The following FLNB variants were observed in gnomAD, a reference collection of about 807,000 sequenced individuals.
FLNB encodes filamin-B.
Under a neutral mutation model 250.6 loss-of-function variants are expected in FLNB, and 111 were observed. The observed-to-expected ratio is 0.44, with a 90% CI of 0.38 to 0.52. The LOEUF is 0.52. FLNB is among the 20% of genes least tolerant of loss of function. The probability of loss-of-function intolerance (pLI) is 0.00; values close to 1 mark genes in which losing one functional copy is unlikely to be tolerated. For synonymous variants in FLNB, 1,302 were observed against 1,372.1 expected, an observed-to-expected ratio of 0.95 and a Z score of 1.13; for missense variants, 2,869 against 3,447.8, an observed-to-expected ratio of 0.83 and a Z score of 4.20.
At chr3:58,134,251 G>A (rs1016811162) in intron 26 of FLNB, among the ~76,000 whole-genome samples, 1 of 152,200 alleles carries the variant, frequency 6.6e-6, no homozygotes, top group African/African-American at 2.4e-5. Context: ...CACATGAGAA[G>A]GATCTAGATT....
chr3:58,165,743 T>G (rs1315917474), intron 43 of FLNB: 1 of 152,130 alleles, frequency 6.6e-6, no homozygotes, highest in African/African-American at 2.4e-5. Flanking sequence ...CTGAGCAATT[T>G]TCCTAATGAA....
chr3:58,167,604 A>G (rs939475170), intron 43 of FLNB, among the ~76,000 whole-genome samples: 12 of 152,206 alleles, frequency 7.9e-5, no homozygotes, highest in African/African-American at 2.9e-4. Flanking sequence ...GGGCCAGCTA[A>G]GTTGTCTCAG....
chr3:58,090,351 A>G (rs922119038), intron 4 of FLNB, among the ~76,000 whole-genome samples: 2 of 152,216 alleles, frequency 1.3e-5, no homozygotes, highest in South Asian at 2.1e-4. Context: ...AGGCTGCTTT[A>G]CAGTTAACTT....
chr3:58,028,665 G>A (rs186755424), intron 1 of FLNB, among the ~76,000 whole-genome samples: 1 of 149,208 alleles, frequency 6.7e-6, no homozygotes, highest in Non-Finnish European at 1.5e-5. Flanking sequence ...CCAGGCTAGA[G>A]TGCAATGGCA....
chr3:58,142,583 C>A lies in FLNB; in HGVS notation c.5182-67C>A. ...CTTGTAGAATTCCCAGCAGCTCTAA[C>A]CCCTGTAGCTTCACCAGCTCCCGCT... On this transcript the variant is annotated intron_variant, in intron 30 of 45. Coordinates refer to ENST00000295956, the MANE Select transcript of FLNB (RefSeq NM_001457.4). This position sits in a 1 kb window ranked among gnomAD's most constrained non-coding sequence, Gnocchi z 4.3. 7.4e-7 allele frequency: 1 copy of A among 1,355,030 alleles called. No homozygotes were observed. The highest frequency in any genetic ancestry group is 1.4e-5 in the African/African-American group (1 of 69,882). The allele number at this position is 1,355,030 out of a possible 1,614,324, so 83.9% of individuals were successfully genotyped here.
chr3:58,118,122 G>A (rs1381226891), intron 18 of FLNB, among the ~76,000 whole-genome samples: 2 of 152,236 alleles, frequency 1.3e-5, no homozygotes, highest in African/African-American at 4.8e-5. Flanking sequence ...ACCGGCGAGA[G>A]GAGAGAAATG....
Position 58,097,853 on chromosome 3 carries a change from C to T in FLNB, c.1023C>T (p.Ser341=). Residue 341 remains serine (S), a synonymous_variant, in exon 7 of 46, where the codon AGC becomes AGT. Coordinates refer to ENST00000295956, the MANE Select transcript of FLNB (RefSeq NM_001457.4). ...TTGCAGGACAGCACATCTCCAAGAG[C>T]CCATTTGAAGTGAGTGTTGACAAGG... ...VLFAGQHISK[S]PFEVSVDKAQ... The T allele has an allele frequency of 6.2e-7, 1 of 1,614,070 alleles. No individual in the cohort carries two copies.
chr3:58,131,877 T>C (rs779991023), intron 25 of FLNB: 28 of 1,228,238 alleles, frequency 2.3e-5, no homozygotes, highest in Non-Finnish European at 2.9e-5. Flanking sequence ...TTTACTTGGA[T>C]ATCTGCCTCT....
intron 1 of FLNB, among the ~76,000 whole-genome samples, chr3:58,046,805 C>T (rs2097155023): frequency 6.6e-6 from 1 of 152,156 alleles, no homozygotes; most frequent in African/African-American, 2.4e-5. Context: ...TTTCCCTTCC[C>T]CAACCAGGCC....
Position 58,146,929 on chromosome 3 carries a change from C to T in FLNB, c.5664C>T (p.Tyr1888=). The change falls in exon 34 of 46, where the codon TAC becomes TAT. Residue 1888 remains tyrosine, a synonymous_variant. Coordinates refer to ENST00000295956, the MANE Select transcript of FLNB (RefSeq NM_001457.4). ...ACCTGCCGACTCTGCCAGGCGACTA[C>T]AGCATTCTGGTCAAGTACAATGACA... The part of the protein sequence containing the change: ...VTYLPTLPGD[Y]SILVKYNDKH... 6.2e-7 allele frequency: 1 copy of T among 1,614,192 alleles called. No individual in the cohort carries two copies. Among genetic ancestry groups the T allele is most frequent in the Non-Finnish European group, 8.5e-7 (1 of 1,180,040 alleles).
chr3:58,067,749 A>G (rs1029054167), intron 1 of FLNB, among the ~76,000 whole-genome samples: 6 of 151,734 alleles, frequency 4.0e-5, no homozygotes, highest in Admixed American at 1.3e-4. Context: ...GGCGCCCACC[A>G]TCACGCCCGG....
intron 2 of FLNB, among the ~76,000 whole-genome samples, chr3:58,077,896 G>T (rs149512716): frequency 1.6e-4 from 25 of 152,202 alleles, no homozygotes; most frequent in African/African-American, 5.5e-4. Flanking sequence ...TTGATGGGTA[G>T]AGTTTGCTGG....
In FLNB at chr3:58,141,858, G is replaced by T; in HGVS notation, c.5110G>T (p.Ala1704Ser). Residue 1704 changes from alanine (A) to serine (S), a missense_variant and splice_region_variant, in exon 30 of 46, where the codon GCC (alanine) becomes TCC (serine). Coordinates refer to ENST00000295956, the MANE Select transcript of FLNB (RefSeq NM_001457.4). The part of the protein sequence containing the change: ...DIPNSPFTVM[A>S]TDGEVTAVEE... The stretch of plus-strand genomic sequence containing the variant: ...CTAATCTCCATTTGCCACTGACCAG[G>T]CCACAGATGGGGAAGTCACAGCCGT... 1 of 1,614,020 alleles carries T rather than the reference G, an allele frequency of 6.2e-7. No homozygotes were observed. The highest frequency in any genetic ancestry group is 2.2e-5 in the East Asian group (1 of 44,892).
chr3:58,057,497 A>T (rs978204543), intron 1 of FLNB, among the ~76,000 whole-genome samples: 2 of 151,260 alleles, frequency 1.3e-5, no homozygotes, highest in Non-Finnish European at 2.9e-5. Flanking sequence ...CAGCGGGGAG[A>T]TTTGGGAAGA....
At chr3:58,028,728 C>T (rs1366053011) in intron 1 of FLNB, among the ~76,000 whole-genome samples, 5 of 150,484 alleles carry the variant, frequency 3.3e-5, no homozygotes, top group African/African-American at 1.2e-4. Flanking sequence ...ATTCTCCTGC[C>T]TCAGCCTCCC....
chr3:58,101,439 C>T (rs2097251092), intron 8 of FLNB, among the ~76,000 whole-genome samples: 1 of 152,156 alleles, frequency 6.6e-6, no homozygotes. Context: ...CTTTTATCAA[C>T]CTCTAGATAC....
chr3:58,148,684 C>G lies in FLNB; in HGVS notation c.5923C>G (p.Leu1975Val). ...SFIPREVGEH[L>V]VSIKKNGNHV... ...CATCCCCCGGGAAGTGGGCGAACAT[C>G]TGGTCAGCATCAAGAAAAATGGCAA... The change falls in exon 36 of 46, where the codon CTG becomes GTG. Residue 1975 changes from leucine (L) to valine (V), a missense_variant. Leu to Val is a conservative substitution (Grantham distance 32, BLOSUM62 1). Around this residue, in one of 5 missense-constraint regions of FLNB, gnomAD observed 1,084 missense variants for 1,315.5 expected, o/e 0.82. Coordinates refer to ENST00000295956, the MANE Select transcript of FLNB (RefSeq NM_001457.4). 1 of 1,614,140 alleles carries G rather than the reference C, an allele frequency of 6.2e-7. No individual in the cohort carries two copies. The highest frequency in any genetic ancestry group is 8.5e-7 in the Non-Finnish European group (1 of 1,180,014).
chr3:58,052,130 C>A (rs1041273361), intron 1 of FLNB, among the ~76,000 whole-genome samples: 1 of 152,110 alleles, frequency 6.6e-6, no homozygotes, highest in Non-Finnish European at 1.5e-5. Flanking sequence ...TCAGGTGATC[C>A]GCCCACCTCG....
intron 3 of FLNB, among the ~76,000 whole-genome samples, chr3:58,081,262 G>A (rs1055995528): frequency 3.9e-5 from 6 of 152,072 alleles, no homozygotes; most frequent in African/African-American, 1.4e-4. Flanking sequence ...TTTGTAACAT[G>A]CTCTAATCCC....
Sources: gnomAD v4.1 joint callset for allele counts (sites outside exome capture counted in the v4.1 genomes callset) on GRCh38, gnomAD v4.1.1 for gene constraint, gnomAD v4.1.1 regional missense constraint, Gnocchi (gnomAD v3.1) non-coding constraint, MANE v1.5 for transcripts, NCBI Gene and HGNC (gene_info 2026-07-23, HGNC 2026-07-21) for gene names.